ZNF678: variants seen among roughly 807,000 people sequenced by gnomAD.
ZNF678 encodes the protein hypothetical protein MGC42493.
Under a neutral mutation model 3.0 loss-of-function variants are expected in ZNF678, and 5 were observed. The ratio of observed to expected loss-of-function variants is 1.69; its 90% CI spans 0.88 to 3.56. ZNF678 has a LOEUF of 3.56. Ranked by LOEUF, ZNF678 falls within the 30% of genes most tolerant of loss-of-function variation. The pLI is 0.00. For missense variants in ZNF678, 593 were observed against 605.0 expected, an observed-to-expected ratio of 0.98 and a Z score of 0.21; for synonymous variants, 218 against 199.6, an observed-to-expected ratio of 1.09 and a Z score of -0.78.
intron 1 of ZNF678, among the ~76,000 whole-genome samples, chr1:227,582,113 T>G (rs1271296233): frequency 1.3e-5 from 2 of 152,158 alleles, no homozygotes; most frequent in Non-Finnish European, 2.9e-5. Context: ...TACCTTTTTC[T>G]TATTAATTTG....
At chr1:227,652,534 T>C (rs1432901752) in intron 3 of ZNF678, among the ~76,000 whole-genome samples, 1 of 152,136 alleles carries the variant, frequency 6.6e-6, no homozygotes, top group African/African-American at 2.4e-5. Context: ...TCTCTTCTTC[T>C]GTGTGTGTTT....
intron 1 of ZNF678, among the ~76,000 whole-genome samples, chr1:227,608,658 G>A (rs1445347227): frequency 6.6e-6 from 1 of 152,036 alleles, no homozygotes; most frequent in Non-Finnish European, 1.5e-5. Context: ...TTTTACTTAT[G>A]TATTTTTTGG....
intron 2 of ZNF678, among the ~76,000 whole-genome samples, chr1:227,647,657 T>C (rs55841672): frequency 0.21 from 32,441 of 152,058 alleles, 3,617 homozygotes; most frequent in East Asian, 0.28. Flanking sequence ...CTGGTTTTGT[T>C]TGTCTTCCCC....
chr1:227,668,280 A>G (rs867569117), intron 5 of ZNF678, among the ~76,000 whole-genome samples: 11 of 152,350 alleles, frequency 7.2e-5, no homozygotes, highest in Middle Eastern at 6.8e-3. Context: ...TTTAATTTCT[A>G]TAATTAAACA....
At chr1:227,647,747 A>G (rs565366256) in intron 2 of ZNF678, among the ~76,000 whole-genome samples, 1 of 152,318 alleles carries the variant, frequency 6.6e-6, no homozygotes, top group East Asian at 1.9e-4. Flanking sequence ...CTTTGAGGCA[A>G]AGTCCTCTTC....
rs1409750822 is a variant in ZNF678 at position 227,578,136 on chromosome 1, T to C, written c.-164+14412T>C. ...AGTCTGATGGGCTTCCCTTTGTAGG[T>C]TACCTGACCTTTCTCTCCAGCTGTC... On this transcript the variant is annotated intron_variant, in intron 1 of 3. Coordinates refer to ENST00000343776, the MANE Select transcript of ZNF678 (RefSeq NM_001367909.1). Among the ~76,000 whole-genome samples, 5 of 152,218 alleles carry C rather than the reference T, an allele frequency of 3.3e-5. No homozygotes were observed. In the South Asian group the frequency reaches 6.2e-4, roughly 19 times the overall value.
At chr1:227,630,702 G>A (rs1306506715) in intron 1 of ZNF678, among the ~76,000 whole-genome samples, 5 of 152,070 alleles carry the variant, frequency 3.3e-5, no homozygotes, top group African/African-American at 1.2e-4. Context: ...ACATAATCAG[G>A]GAATACTGGC....
intron 5 of ZNF678, among the ~76,000 whole-genome samples, chr1:227,670,231 A>G (rs1382222119): frequency 1.3e-5 from 2 of 152,202 alleles, no homozygotes; most frequent in Admixed American, 1.3e-4. Context: ...TACTATACCC[A>G]AAATACCCAT....
In ZNF678 at chr1:227,640,000, C is replaced by T. The variant is rs114605936; in HGVS notation, c.-163-6544C>T. On this transcript the variant is annotated intron_variant, in intron 1 of 3. Transcript: ENST00000343776. Reference sequence around the variant, plus strand: ...ACAATATCTTTGGTTCCTGCTACTTCCTGAAGGGGGCACTCTAGCACAGGT... The same window carrying T: ...ACAATATCTTTGGTTCCTGCTACTTTCTGAAGGGGGCACTCTAGCACAGGT... Among the ~76,000 whole-genome samples, 622 of 152,232 alleles carry T rather than the reference C, an allele frequency of 4.1e-3. 7 individuals carry two copies. Among genetic ancestry groups the T allele is most frequent in the African/African-American group, 0.014 (585 of 41,520 alleles).
At chr1:227,648,468 A>C (rs1406172969) in intron 2 of ZNF678, among the ~76,000 whole-genome samples, 1 of 152,248 alleles carries the variant, frequency 6.6e-6, no homozygotes, top group East Asian at 1.9e-4. Context: ...CTACTGCCTT[A>C]GCAAATTTTA....
chr1:227,624,753 C>T (rs1277586689), intron 1 of ZNF678, among the ~76,000 whole-genome samples: 4 of 152,222 alleles, frequency 2.6e-5, no homozygotes, highest in Non-Finnish European at 5.9e-5. Context: ...CACTTACCCA[C>T]GCAGGAACAA....
Position 227,655,532 on chromosome 1 carries a change from A to C in ZNF678, c.1282A>C (p.Thr428Pro), listed in dbSNP as rs200557004. The change falls in exon 4 of 4, where the codon ACT (threonine) becomes CCT (proline). Residue 428 changes from threonine (T) to proline (P), a missense_variant. Thr to Pro is a conservative substitution (Grantham distance 38). Transcript: ENST00000343776. ...SHLTSHKRIH[T>P]GEKPYKCKEC... ...CCTAACTAGCCATAAGAGAATTCAT[A>C]CTGGAGAGAAACCCTACAAATGTAA... The C allele has an allele frequency of 2.5e-4, 407 of 1,612,630 alleles. No homozygotes were observed. Among genetic ancestry groups the C allele is most frequent in the Non-Finnish European group, 3.3e-4 (388 of 1,179,408 alleles).
intron 1 of ZNF678, among the ~76,000 whole-genome samples, chr1:227,600,933 A>G (rs186963879): frequency 3.8e-4 from 58 of 152,264 alleles, no homozygotes; most frequent in Middle Eastern, 3.4e-3. Context: ...TCTTTGATTC[A>G]TCTTGAGTTT....
At chr1:227,639,222 C>T (rs1303902710) in intron 1 of ZNF678, among the ~76,000 whole-genome samples, 2 of 152,222 alleles carry the variant, frequency 1.3e-5, no homozygotes, top group South Asian at 4.1e-4. Flanking sequence ...CATTGCCGCA[C>T]TTGAAACAGG....
chr1:227,631,785 T>C (rs550511665), intron 1 of ZNF678, among the ~76,000 whole-genome samples: 150 of 152,348 alleles, frequency 9.8e-4, no homozygotes, highest in African/African-American at 3.4e-3. Flanking sequence ...CTGGGCGCCA[T>C]GTTGTCCTTC....
chr1:227,577,195 A>T (rs922741131), intron 1 of ZNF678, among the ~76,000 whole-genome samples: 2 of 152,186 alleles, frequency 1.3e-5, no homozygotes, highest in Admixed American at 1.3e-4. Context: ...CCATGTGGCT[A>T]TGAGAAGAAT....
At chr1:227,624,795 G>T (rs771317325) in intron 1 of ZNF678, among the ~76,000 whole-genome samples, 1 of 152,224 alleles carries the variant, frequency 6.6e-6, no homozygotes, top group Middle Eastern at 3.2e-3. Context: ...GGGAGCGGCA[G>T]TGGGCACCTC....
At chr1:227,574,152 A>C (rs779305016) in intron 1 of ZNF678, among the ~76,000 whole-genome samples, 1 of 152,186 alleles carries the variant, frequency 6.6e-6, no homozygotes, top group African/African-American at 2.4e-5. Context: ...ATTTGTCTTT[A>C]TAATAGAATG....
chr1:227,633,314 A>G (rs1397294530), intron 1 of ZNF678, among the ~76,000 whole-genome samples: 1 of 152,206 alleles, frequency 6.6e-6, no homozygotes, highest in African/African-American at 2.4e-5. Context: ...TGCCGGCTCA[A>G]AATGCCTGGG....
Sources: allele counts gnomAD v4.1 joint callset (sites outside exome capture counted in the v4.1 genomes callset), GRCh38; gene constraint gnomAD v4.1.1; transcripts MANE v1.5; gene names NCBI Gene and HGNC (gene_info 2026-07-23, HGNC 2026-07-21).